DNAH5: variants seen among roughly 807,000 people sequenced by gnomAD.
DNAH5 encodes dynein axonemal heavy chain 5, also known as axonemal beta dynein heavy chain 5.
DNAH5 carries 372 observed loss-of-function variants against 518.2 expected under a neutral mutation model. The ratio of observed to expected loss-of-function variants is 0.72; its 90% CI spans 0.66 to 0.78. The LOEUF (loss-of-function observed/expected upper bound fraction) is 0.78. Ranked by LOEUF, DNAH5 falls within the 30% of genes least tolerant of loss-of-function variation. The pLI, the probability that DNAH5 is intolerant of heterozygous loss-of-function variation, is 0.00. For missense variants in DNAH5, 5,523 were observed against 5,687.0 expected (o/e 0.97, Z 0.93); for synonymous variants, 2,039 against 2,025.9 (o/e 1.01, Z -0.17).
chr5:13,705,782 T>C (rs1742704147), intron 76 of DNAH5, among the ~76,000 whole-genome samples: 1 of 152,074 alleles, frequency 6.6e-6, no homozygotes, highest in South Asian at 2.1e-4. Flanking sequence ...CAGAGACAGA[T>C]GTGCATAGAG....
At chr5:13,967,972 G>T (rs1173776564) in intron 1 of DNAH5, among the ~76,000 whole-genome samples, 2 of 152,170 alleles carry the variant, frequency 1.3e-5, no homozygotes, top group Admixed American at 1.3e-4. Flanking sequence ...CCATTTGTTT[G>T]TGTTGTCTAT....
chr5:13,928,110 C>T lies in DNAH5; in HGVS notation c.261G>A (p.Val87=), dbSNP rs1180253192. The T allele has an allele frequency of 6.2e-7, 1 of 1,613,682 alleles. No homozygotes were observed. Among genetic ancestry groups the T allele is most frequent in the Non-Finnish European group, 8.5e-7 (1 of 1,179,632 alleles). The change falls in exon 3 of 79, where the codon GTG becomes GTA. Residue 87 remains valine (V), a synonymous_variant. Transcript: ENST00000265104. ...LRHLMFYYQD[V]EEAETGQLGS... ...TTCAGATACCTGTTTCTGCTTCCTC[C>T]ACATCTTGATAGTAAAACATGAGGT...
At chr5:13,769,304 G>A (rs1389476493) in intron 57 of DNAH5, among the ~76,000 whole-genome samples, 168 bp from the exon 58 acceptor site, 1 of 144,054 alleles carries the variant, frequency 6.9e-6, no homozygotes. Flanking sequence ...CTGGAGTGCA[G>A]TAGCGCGATC....
rs77273943 is a variant in DNAH5, at chr5:13,894,414, T to C, written c.2431+236A>G. Among the ~76,000 whole-genome samples the C allele has an allele frequency of 0.021, 3,191 of 152,296 alleles. 114 individuals carry two copies. The highest frequency in any genetic ancestry group is 0.071 in the African/African-American group (2,957 of 41,566). ...TACTTTAAATCCTAATGTCCAAAAATACAAATAAATGAAAATATGTGGTTA... is the reference window on the plus strand; with the variant it reads ...TACTTTAAATCCTAATGTCCAAAAACACAAATAAATGAAAATATGTGGTTA... On this transcript the variant is annotated intron_variant, in intron 16 of 78. Transcript: ENST00000265104.
upstream of DNAH5, among the ~76,000 whole-genome samples, chr5:13,947,502 C>T (rs1780026193): frequency 6.6e-6 from 1 of 152,128 alleles, no homozygotes; most frequent in African/African-American, 2.4e-5. Flanking sequence ...CTCATAGGCA[C>T]CTAATAAATG....
intron 65 of DNAH5, among the ~76,000 whole-genome samples, chr5:13,740,443 A>G (rs1748310302): frequency 6.6e-6 from 1 of 152,038 alleles, no homozygotes; most frequent in African/African-American, 2.4e-5. Flanking sequence ...CCCCTCCTTC[A>G]TTACTGCTGG....
intron 50 of DNAH5, among the ~76,000 whole-genome samples, chr5:13,791,161 T>C (rs1169797507): frequency 6.6e-6 from 1 of 152,042 alleles, no homozygotes; most frequent in African/African-American, 2.4e-5. Context: ...TGGACAGAGG[T>C]GAGTTTTTTT....
In DNAH5 at chr5:13,943,316, C is replaced by T. The variant is rs74726029; in HGVS notation, c.57+1066G>A. Among the ~76,000 whole-genome samples, 1,313 of 152,276 alleles carry T rather than the reference C, an allele frequency of 8.6e-3. 19 individuals are homozygous for T. The highest frequency in any genetic ancestry group is 0.031 in the African/African-American group (1,275 of 41,558). ...AAAATGGAGAGAACTCGCAATCTAG[C>T]AAGAGAAAGAGACATGTGGGTAAAT... On this transcript the variant is annotated intron_variant, in intron 1 of 78. Coordinates refer to ENST00000265104, the MANE Select transcript of DNAH5 (RefSeq NM_001369.3).
intron 75 of DNAH5, 135 bp from the exon 76 acceptor site, chr5:13,708,470 CA>C (rs1743082118): frequency 1.6e-6 from 1 of 640,034 alleles, no homozygotes; most frequent in African/African-American, 2.3e-5. Flanking sequence ...TATTGCATGG[CA>C]AAAAGAAAAA....
intron 56 of DNAH5, 95 bp from the exon 57 acceptor site, chr5:13,769,710 T>C (rs1753063702): frequency 1.9e-6 from 2 of 1,077,088 alleles, no homozygotes; most frequent in Non-Finnish European, 2.9e-6. Context: ...AATGGTTATA[T>C]CTGAAGATTG....
intron 27 of DNAH5, among the ~76,000 whole-genome samples, chr5:13,865,436 C>G (rs542474580): frequency 1.1e-4 from 17 of 152,322 alleles, no homozygotes; most frequent in South Asian, 8.3e-4. Context: ...CACCAAGCTG[C>G]AGAAAAGCCC....
At chr5:13,702,428 A>T (rs148886414) in intron 76 of DNAH5, among the ~76,000 whole-genome samples, 60 of 152,340 alleles carry the variant, frequency 3.9e-4, no homozygotes, top group African/African-American at 1.3e-3. Context: ...GTTAACTAAA[A>T]GAGATGTGTG....
chr5:13,812,316 C>CT (rs1561326880), intron 43 of DNAH5, among the ~76,000 whole-genome samples: 1 of 150,886 alleles, frequency 6.6e-6, no homozygotes, highest in African/African-American at 2.4e-5. Flanking sequence ...GTTTTTTTTT[C>CT]TTTTTTTGAG....
At chr5:13,899,808 A>C in intron 15 of DNAH5, 1 of 211,806 alleles carries the variant, frequency 4.7e-6, no homozygotes, top group Non-Finnish European at 9.5e-6. Context: ...CTCTGCTGCC[A>C]TCCCAGTTCA....
chr5:13,726,293 G>C (rs1745721901), intron 70 of DNAH5, among the ~76,000 whole-genome samples: 1 of 152,218 alleles, frequency 6.6e-6, no homozygotes. Flanking sequence ...TGCAGGACTT[G>C]AAAAGCCAAT....
chr5:13,955,211 ACTCT>A (rs1268859035), intron 1 of DNAH5, among the ~76,000 whole-genome samples: 1 of 147,904 alleles, frequency 6.8e-6, no homozygotes, highest in Non-Finnish European at 1.5e-5. Context: ...TTCCCCCCTC[ACTCT>A]CTCTCTCTCC....
intron 63 of DNAH5, 143 bp downstream of exon 63, chr5:13,753,090 T>C: frequency 1.6e-6 from 1 of 641,434 alleles, no homozygotes; most frequent in Admixed American, 2.8e-5. Context: ...TTATATTAGA[T>C]TTAAGCTTGC....
chr5:13,788,670 A>C (rs1224304886), intron 51 of DNAH5, 46 bp downstream of exon 51: 1 of 1,513,606 alleles, frequency 6.6e-7, no homozygotes, highest in Admixed American at 1.7e-5. Context: ...ATTTCCCTTT[A>C]GGGAACACCT....
intron 75 of DNAH5, among the ~76,000 whole-genome samples, chr5:13,711,835 A>C (rs1043333422): frequency 6.6e-6 from 1 of 152,232 alleles, no homozygotes; most frequent in Admixed American, 6.5e-5. Context: ...AGACCTCTAC[A>C]AGGAAAACTA....
Sources: allele counts gnomAD v4.1 joint callset (sites outside exome capture counted in the v4.1 genomes callset), GRCh38; gene constraint gnomAD v4.1.1; transcripts MANE v1.5; gene names NCBI Gene and HGNC (gene_info 2026-07-23, HGNC 2026-07-21).